OSBPL10: variants seen among roughly 807,000 people sequenced by gnomAD.
The protein encoded by OSBPL10 is oxysterol-binding protein-related protein 10.
A neutral mutation model predicts 81.7 loss-of-function variants in OSBPL10; 49 were observed. The observed-to-expected ratio is 0.60, with a 90% CI of 0.48 to 0.76. The LOEUF (loss-of-function observed/expected upper bound fraction) is 0.76, where lower values mean the gene tolerates loss of function less well. Ranked by LOEUF, OSBPL10 falls within the 30% of genes least tolerant of loss-of-function variation. OSBPL10 has a pLI of 0.00. For missense variants in OSBPL10, 923 were observed against 987.8 expected, an observed-to-expected ratio of 0.93 and a Z score of 0.88; for synonymous variants, 419 against 383.6, an observed-to-expected ratio of 1.09 and a Z score of -1.08.
At chr3:31,859,699 T>C (rs1051883034) in intron 3 of OSBPL10, among the ~76,000 whole-genome samples, 2 of 152,180 alleles carry the variant, frequency 1.3e-5, no homozygotes, top group Admixed American at 1.3e-4. Context: ...ACTAACGTCA[T>C]CATCATCCCA....
chr3:31,744,137 T>C (rs1251596220), intron 5 of OSBPL10, among the ~76,000 whole-genome samples: 1 of 152,204 alleles, frequency 6.6e-6, no homozygotes, highest in African/African-American at 2.4e-5. Context: ...ACATGGAATA[T>C]GACATGTAAA....
At chr3:31,684,228 G>A in intron 7 of OSBPL10, 114 bp from the exon 8 acceptor site, 2 of 1,401,138 alleles carry the variant, frequency 1.4e-6, no homozygotes, top group Non-Finnish European at 1.9e-6. Context: ...TCCAGCCAGG[G>A]AGCAGTCTGT....
intron 1 of OSBPL10, among the ~76,000 whole-genome samples, chr3:31,947,747 A>T (rs796091000): frequency 3.9e-5 from 6 of 152,310 alleles, no homozygotes; most frequent in African/African-American, 1.4e-4. Context: ...AAAAATAGAT[A>T]AAGAATCTGT....
At chr3:31,904,710 C>T (rs1180602214) in intron 1 of OSBPL10, among the ~76,000 whole-genome samples, 1 of 152,114 alleles carries the variant, frequency 6.6e-6, no homozygotes, top group Admixed American at 6.6e-5. Flanking sequence ...GAGGATAGAG[C>T]GGGCTGAAAT....
chr3:31,865,885 C>T (rs1421923254), intron 3 of OSBPL10, among the ~76,000 whole-genome samples: 1 of 152,124 alleles, frequency 6.6e-6, no homozygotes, highest in Non-Finnish European at 1.5e-5. Flanking sequence ...TTAGTATAAG[C>T]GTAAACACTT....
At position 31,914,200 on chromosome 3, in the gene OSBPL10, C is replaced by T. The variant is rs373704056; in HGVS notation, c.282-34370G>A. 5.9e-5 allele frequency among the ~76,000 whole-genome samples: 9 copies of T among 152,334 alleles called. No individual in the cohort carries two copies. The East Asian group carries it at 1.3e-3, about 23-fold the overall frequency. On this transcript the variant is annotated intron_variant, in intron 1 of 11. Transcript: ENST00000396556. ...CCTCCCAAAGTGCTGGGATTACAGGCATGAGCCACTGCACCCAGCCTCTTC... is the reference window on the plus strand; with the variant it reads ...CCTCCCAAAGTGCTGGGATTACAGGTATGAGCCACTGCACCCAGCCTCTTC...
chr3:31,729,166 T>G (rs1696891612), intron 6 of OSBPL10, among the ~76,000 whole-genome samples: 1 of 152,204 alleles, frequency 6.6e-6, no homozygotes, highest in African/African-American at 2.4e-5. Flanking sequence ...AAAAAACAGT[T>G]AAGGTTTTGT....
chr3:31,702,243 T>C (rs906898793), intron 7 of OSBPL10, 116 bp downstream of exon 7: 38 of 1,263,278 alleles, frequency 3.0e-5, no homozygotes, highest in East Asian at 9.8e-5. Flanking sequence ...CTGGCCTTTT[T>C]CCCCACTCTT....
intron 4 of OSBPL10, among the ~76,000 whole-genome samples, chr3:31,783,111 TTATATATATATA>T (rs56846176): frequency 0.091 from 11,088 of 121,554 alleles, 732 homozygotes; most frequent in African/African-American, 0.18. Flanking sequence ...AATATATCTA[TTATATATATATA>T]TATATATATA....
At chr3:31,849,874 C>T (rs941470666) in intron 3 of OSBPL10, among the ~76,000 whole-genome samples, 25 of 152,144 alleles carry the variant, frequency 1.6e-4, no homozygotes, top group Admixed American at 2.6e-4. Context: ...TCCTTCTCTA[C>T]AAAAATTTAG....
intron 5 of OSBPL10, among the ~76,000 whole-genome samples, chr3:31,739,478 G>T (rs1257150264): frequency 6.6e-6 from 1 of 152,012 alleles, no homozygotes; most frequent in Non-Finnish European, 1.5e-5. Context: ...TTTGAAAAAG[G>T]GCCTTCACAT....
chr3:31,760,297 A>G (rs949980049), intron 4 of OSBPL10, among the ~76,000 whole-genome samples: 1 of 152,164 alleles, frequency 6.6e-6, no homozygotes, highest in African/African-American at 2.4e-5. Context: ...TCCACATATC[A>G]GTGGGCCTGC....
intron 3 of OSBPL10, among the ~76,000 whole-genome samples, chr3:31,846,397 G>T (rs902868850): frequency 6.6e-6 from 1 of 152,112 alleles, no homozygotes; most frequent in South Asian, 2.1e-4. Context: ...GCCAAGGTGA[G>T]TATATCACCT....
intron 3 of OSBPL10, among the ~76,000 whole-genome samples, chr3:31,866,939 CCCT>C (rs1298727368): frequency 6.6e-6 from 1 of 152,146 alleles, no homozygotes; most frequent in Non-Finnish European, 1.5e-5. Flanking sequence ...ATTCAAGACC[CCCT>C]ATGACTTATA....
At chr3:31,969,808 T>A (rs1320983101) in intron 1 of OSBPL10, among the ~76,000 whole-genome samples, 2 of 149,242 alleles carry the variant, frequency 1.3e-5, no homozygotes, top group South Asian at 2.1e-4. Context: ...TGAGCCGAGA[T>A]CGCACCACTG....
intron 1 of OSBPL10, among the ~76,000 whole-genome samples, chr3:31,888,048 A>T (rs1211819007): frequency 6.6e-6 from 1 of 152,222 alleles, no homozygotes; most frequent in Non-Finnish European, 1.5e-5. Flanking sequence ...GAATTATATT[A>T]GAACACACTA....
intron 4 of OSBPL10, among the ~76,000 whole-genome samples, chr3:31,811,773 A>G (rs951309860): frequency 2.6e-5 from 4 of 152,216 alleles, no homozygotes; most frequent in African/African-American, 9.6e-5. Flanking sequence ...AGGACACACA[A>G]GACAGTGGTA....
At chr3:31,960,346 G>C (rs916210791) in intron 1 of OSBPL10, 6 of 152,100 alleles carry the variant, frequency 3.9e-5, no homozygotes, top group African/African-American at 9.7e-5. Context: ...CCCTCACCAC[G>C]TTCAGTAATA....
At chr3:31,811,890 T>C (rs184321044) in intron 4 of OSBPL10, among the ~76,000 whole-genome samples, 9 of 152,350 alleles carry the variant, frequency 5.9e-5, no homozygotes, top group Admixed American at 4.6e-4. Context: ...GTCTTCTAAA[T>C]CTGGCCTAGA....
Sources: gnomAD v4.1 joint callset for allele counts (sites outside exome capture counted in the v4.1 genomes callset) on GRCh38, gnomAD v4.1.1 for gene constraint, MANE v1.5 for transcripts, NCBI Gene and HGNC (gene_info 2026-07-23, HGNC 2026-07-21) for gene names.